Variants in GDAP1 observed in about 807,000 individuals in gnomAD.
GDAP1 encodes ganglioside-induced differentiation-associated protein 1.
GDAP1 carries 34 observed loss-of-function variants against 40.1 expected under a neutral mutation model. That is an observed-to-expected ratio of 0.85 (90% CI 0.64 to 1.13). GDAP1 has a LOEUF of 1.13. Ranked by LOEUF, GDAP1 falls within the 50% of genes most tolerant of loss-of-function variation. The probability of loss-of-function intolerance (pLI) is 0.00; values close to 1 mark genes in which losing one functional copy is unlikely to be tolerated. For missense variants in GDAP1, 374 were observed against 433.7 expected, an observed-to-expected ratio of 0.86 and a Z score of 1.22; for synonymous variants, 170 against 157.4, an observed-to-expected ratio of 1.08 and a Z score of -0.60.
Position 74,453,664 on chromosome 8 carries a change from G to A in GDAP1, c.166-35014G>A, listed in dbSNP as rs1430585629. 2.4e-5 allele frequency among the ~76,000 whole-genome samples: 2 copies of A among 83,672 alleles called. 1 individual carries two copies. The highest frequency in any genetic ancestry group is 4.9e-5 in the Non-Finnish European group (2 of 41,130). 54.9% of individuals were successfully genotyped at this position (83,672 alleles called of 152,430 possible). ...TCTTAGCAAGCCAAATTGAAATCAG[G>A]AGATGTTTTAGTTCCAGGTTTGCTG... is the stretch of plus-strand genomic sequence containing the variant. On this transcript the variant is annotated intron_variant, in intron 2 of 2. Coordinates refer to the GDAP1 transcript ENST00000523640.
intron 2 of GDAP1, among the ~76,000 whole-genome samples, chr8:74,467,824 A>T (rs1586843945): frequency 6.6e-6 from 1 of 152,076 alleles, no homozygotes. Flanking sequence ...TGGCATTCTG[A>T]GTTGTTCTTA....
In GDAP1 at chr8:74,363,991, G is replaced by T. The variant is rs775524396; in HGVS notation, c.701G>T (p.Gly234Val). The change falls in exon 6 of 6, where the codon GGC becomes GTC. Residue 234 changes from glycine to valine, a missense_variant. Physicochemically the swap from Gly to Val is moderately radical, Grantham distance 109. Coordinates refer to ENST00000220822, the MANE Select transcript of GDAP1 (RefSeq NM_018972.4). Reference protein sequence around the residue: ...QRRNEETPEEGQQPWLCGESF... With the variant: ...QRRNEETPEEVQQPWLCGESF... ...TGTCCCTTTCTCTAATTAGAAGAGG[G>T]CCAGCAACCTTGGCTCTGCGGTGAA... 1 of 1,613,976 alleles carries T rather than the reference G, an allele frequency of 6.2e-7. No individual in the cohort carries two copies. Among genetic ancestry groups the T allele is most frequent in the Admixed American group, 1.7e-5 (1 of 60,016 alleles).
chr8:74,470,600 T>C (rs538708613), intron 2 of GDAP1, among the ~76,000 whole-genome samples: 3 of 152,372 alleles, frequency 2.0e-5, no homozygotes, highest in African/African-American at 7.2e-5. Flanking sequence ...TTTTTATGGC[T>C]GCATAGTATT....
At position 74,419,932 on chromosome 8, in the gene GDAP1, G is replaced by T. The variant is rs145227002; in HGVS notation, c.165+68611G>T. ...AGAGACCATTTTCCCCATTGAAATG[G>T]TTTTGGGACTCTTGATGACAAAAAA... On this transcript the variant is annotated intron_variant, in intron 2 of 2. Coordinates refer to the GDAP1 transcript ENST00000523640. 5.5e-3 allele frequency among the ~76,000 whole-genome samples: 840 copies of T among 152,234 alleles called. 9 individuals carry two copies. Among genetic ancestry groups the T allele is most frequent in the African/African-American group, 0.019 (781 of 41,554 alleles).
intron 2 of GDAP1, among the ~76,000 whole-genome samples, chr8:74,416,652 G>C (rs1314430535): frequency 6.7e-6 from 1 of 150,050 alleles, no homozygotes; most frequent in Non-Finnish European, 1.5e-5. Flanking sequence ...GTTCTGGTAC[G>C]CATTGCTGGG....
intron 2 of GDAP1, among the ~76,000 whole-genome samples, chr8:74,385,823 G>A (rs1810017321): frequency 6.6e-6 from 1 of 152,096 alleles, no homozygotes; most frequent in Non-Finnish European, 1.5e-5. Context: ...AAGCATTCCT[G>A]TTTCTCCACA....
chr8:74,459,759 C>T (rs1285367694), intron 2 of GDAP1, among the ~76,000 whole-genome samples: 2 of 152,120 alleles, frequency 1.3e-5, no homozygotes, highest in Non-Finnish European at 2.9e-5. Context: ...GGTTTGGCTT[C>T]CACTGGGATA....
At chr8:74,476,556 G>C (rs986172775) in intron 2 of GDAP1, among the ~76,000 whole-genome samples, 3 of 152,168 alleles carry the variant, frequency 2.0e-5, no homozygotes, top group Non-Finnish European at 2.9e-5. Flanking sequence ...AGTCTGGCAG[G>C]ATATGAAAGC....
chr8:74,376,510 G>C (rs947029336), intron 2 of GDAP1, among the ~76,000 whole-genome samples: 131 of 152,078 alleles, frequency 8.6e-4, no homozygotes, highest in Non-Finnish European at 1.7e-3. Flanking sequence ...CACCAAGCCC[G>C]GCTAATTTTT....
Position 74,403,311 on chromosome 8 carries a change from T to C in GDAP1, c.165+51990T>C, listed in dbSNP as rs1805585540. On this transcript the variant is annotated intron_variant, in intron 2 of 2. Coordinates refer to the GDAP1 transcript ENST00000523640. Reference sequence around the variant, plus strand: ...CAGTATTGACTGCATTTTATTGTTTTATTTGAATAAAATCTAAAAGGAGGA... The same window carrying C: ...CAGTATTGACTGCATTTTATTGTTTCATTTGAATAAAATCTAAAAGGAGGA... 2.7e-5 allele frequency among the ~76,000 whole-genome samples: 4 copies of C among 150,294 alleles called. No homozygotes were observed. The South Asian group carries it at 8.3e-4, about 31-fold the overall frequency.
intron 2 of GDAP1, among the ~76,000 whole-genome samples, chr8:74,472,895 G>C (rs960474993): frequency 6.6e-6 from 1 of 151,764 alleles, no homozygotes; most frequent in Non-Finnish European, 1.5e-5. Context: ...CTATAGGTTC[G>C]TGCCACCGCA....
intron 2 of GDAP1, among the ~76,000 whole-genome samples, chr8:74,410,889 T>C (rs1805700753): frequency 6.7e-6 from 1 of 150,164 alleles, no homozygotes; most frequent in South Asian, 2.1e-4. Context: ...GCATATGATA[T>C]GGTTTGGCTG....
At chr8:74,482,042 A>G (rs1806718016) in intron 2 of GDAP1, among the ~76,000 whole-genome samples, 1 of 147,128 alleles carries the variant, frequency 6.8e-6, no homozygotes, top group Non-Finnish European at 1.5e-5. Context: ...ATAAAGGAGC[A>G]GTACGGTGGT....
chr8:74,457,948 T>C lies in GDAP1; in HGVS notation c.166-30730T>C, dbSNP rs151012374. ...TAAAGTCCATCATAGTCCTTGGAAG[T>C]AGTGTACTACTTATATGACTTATGA... On this transcript the variant is annotated intron_variant, in intron 2 of 2. Coordinates refer to the GDAP1 transcript ENST00000523640. Among the ~76,000 whole-genome samples the C allele has an allele frequency of 9.2e-5, 14 of 152,294 alleles. No homozygotes were observed. In the East Asian group the frequency reaches 2.7e-3, roughly 29 times the overall value.
chr8:74,442,298 G>C (rs76664402), intron 2 of GDAP1, among the ~76,000 whole-genome samples: 1 of 152,164 alleles, frequency 6.6e-6, no homozygotes, highest in East Asian at 1.9e-4. Context: ...CAGAGGATCC[G>C]GTACCTTCTG....
chr8:74,366,942 G>T (rs966968706), downstream of GDAP1: 2 of 360,900 alleles, frequency 5.5e-6, no homozygotes, highest in Admixed American at 7.7e-5. Flanking sequence ...AAAGCATCAT[G>T]TGGTAGTTAA....
intron 2 of GDAP1, among the ~76,000 whole-genome samples, chr8:74,394,291 C>T (rs1282585147): frequency 6.6e-6 from 1 of 152,194 alleles, no homozygotes; most frequent in Non-Finnish European, 1.5e-5. Context: ...TTACCTCCCA[C>T]TGGGTCCCTC....
At chr8:74,357,817 A>G (rs888805662) in intron 2 of GDAP1, among the ~76,000 whole-genome samples, 2 of 152,136 alleles carry the variant, frequency 1.3e-5, no homozygotes, top group Non-Finnish European at 2.9e-5. Flanking sequence ...ATTGAGGTAC[A>G]TTACTGAGAA....
intron 2 of GDAP1, among the ~76,000 whole-genome samples, chr8:74,469,972 C>T (rs1430802973): frequency 2.0e-5 from 3 of 151,874 alleles, no homozygotes; most frequent in Non-Finnish European, 4.4e-5. Flanking sequence ...AAAACTCCAT[C>T]TCAAAAAAAT....
Sources: allele counts gnomAD v4.1 joint callset (sites outside exome capture counted in the v4.1 genomes callset), GRCh38; gene constraint gnomAD v4.1.1; transcripts MANE v1.5; gene names NCBI Gene and HGNC (gene_info 2026-07-23, HGNC 2026-07-21).